TMEM94: variants seen among roughly 807,000 people sequenced by gnomAD.
The protein encoded by TMEM94 is transmembrane protein 94.
TMEM94 carries 81 observed loss-of-function variants against 158.6 expected under a neutral mutation model. That is an observed-to-expected ratio of 0.51 (90% confidence interval 0.43 to 0.61). TMEM94 has a LOEUF of 0.61. Ranked by LOEUF, TMEM94 falls within the 20% of genes least tolerant of loss-of-function variation. TMEM94 has a pLI of 0.00. For missense variants in TMEM94, 1,435 were observed against 1,762.0 expected, an observed-to-expected ratio of 0.81 and a Z score of 3.32; for synonymous variants, 751 against 730.7, an observed-to-expected ratio of 1.03 and a Z score of -0.45.
intron 2 of TMEM94, among the ~76,000 whole-genome samples, chr17:75,473,169 T>C (rs1385824417): frequency 6.6e-6 from 1 of 152,208 alleles, no homozygotes; most frequent in Non-Finnish European, 1.5e-5. Flanking sequence ...CCAGGCTGGC[T>C]GACTGCTTTC....
Position 75,486,369 on chromosome 17 carries a change from C to T in TMEM94, c.352C>T (p.Arg118Trp), listed in dbSNP as rs563451589. The T allele has an allele frequency of 2.8e-5, 46 of 1,614,206 alleles. No homozygotes were observed. The African/African-American group carries it at 3.2e-4, about 11-fold the overall frequency. The change falls in exon 5 of 32, where the codon CGG becomes TGG. Residue 118 changes from arginine (R) to tryptophan (W), a missense_variant. This residue lies in a region of TMEM94 where 1,051 missense variants were observed against 1,254.4 expected (regional missense o/e 0.84). Coordinates refer to ENST00000314256, the MANE Select transcript of TMEM94 (RefSeq NM_014738.6). ...CCTTGTGCTCATCGGGCGGCAAGAC[C>T]GGCTGAAGCGTCGGGAGGTAGAGCG... ...LNLVLIGRQD[R>W]LKRREVERRL...
chr17:75,496,144 G>C (rs886607715), intron 23 of TMEM94, 70 bp downstream of exon 23: 4 of 1,511,566 alleles, frequency 2.6e-6, no homozygotes, highest in South Asian at 1.2e-5. Flanking sequence ...ATGGGCCTGC[G>C]TGGGGCTGGG....
At position 75,489,360 on chromosome 17, in the gene TMEM94, G is replaced by A. The variant is rs546638006; in HGVS notation, c.859G>A (p.Val287Met). The A allele has an allele frequency of 3.8e-5, 61 of 1,614,014 alleles. No homozygotes were observed. Among genetic ancestry groups the A allele is most frequent in the Middle Eastern group, 3.3e-4 (2 of 6,078 alleles). Reference protein sequence around the residue: ...QSVMLHYAVPVVLAGFLITNA... With the variant: ...QSVMLHYAVPMVLAGFLITNA... ...GGTGATGCTACACTATGCTGTGCCC[G>A]TGGTCCTGGTGCGTGTGGCGGGGCT... The change falls in exon 8 of 32, where the codon GTG becomes ATG. Residue 287 changes from valine (V) to methionine (M), a missense_variant. Coordinates refer to ENST00000314256, the MANE Select transcript of TMEM94 (RefSeq NM_014738.6). This position sits in a 1 kb window ranked among gnomAD's most constrained non-coding sequence, Gnocchi z 5.0.
intron 5 of TMEM94, 143 bp downstream of exon 5, chr17:75,486,569 A>G: frequency 9.7e-7 from 1 of 1,028,432 alleles, no homozygotes. Context: ...AGTTAGAAGG[A>G]TGCCCACTCT....
chr17:75,493,981 G>T, intron 18 of TMEM94, 65 bp downstream of exon 18: 1 of 1,511,426 alleles, frequency 6.6e-7, no homozygotes, highest in African/African-American at 1.4e-5. Flanking sequence ...AAGCCCAGGA[G>T]CAGGGAGGGC....
intron 2 of TMEM94, among the ~76,000 whole-genome samples, chr17:75,478,342 A>AG (rs1201156469): frequency 6.7e-6 from 1 of 149,130 alleles, no homozygotes; most frequent in East Asian, 2.0e-4. Flanking sequence ...AAAAAAAAAA[A>AG]AAAAAAAGAA....
Position 75,496,433 on chromosome 17 carries a change from CAGG to C in TMEM94, c.3211_3213del (p.Glu1071del), listed in dbSNP as rs2052690198. 1.2e-6 allele frequency: 2 copies of C among 1,613,582 alleles called. No homozygotes were observed. Among genetic ancestry groups the C allele is most frequent in the Non-Finnish European group, 1.7e-6 (2 of 1,179,966 alleles). ...CCTGCCCTGTTCCCTGACCTTTCGC[CAGG>C]AGGAGACCATCAGCATCATCCGGCT... is the stretch of plus-strand genomic sequence containing the variant. On this transcript the variant is annotated inframe_deletion, in exon 24 of 32. Coordinates refer to ENST00000314256, the MANE Select transcript of TMEM94 (RefSeq NM_014738.6).
In TMEM94 at chr17:75,498,562, G is replaced by A. The variant is rs371191604; in HGVS notation, c.3733+24G>A. The A allele has an allele frequency of 8.1e-6, 13 of 1,612,246 alleles. No homozygotes were observed. Among genetic ancestry groups the A allele is most frequent in the East Asian group, 4.5e-5 (2 of 44,894 alleles). ...TGGTGAGAGGGCTCCCTGGGAGGGCGTGGATGATGGTGGGAGAGGAGCCCC... is the reference window on the plus strand; with the variant it reads ...TGGTGAGAGGGCTCCCTGGGAGGGCATGGATGATGGTGGGAGAGGAGCCCC... On this transcript the variant is annotated intron_variant, in intron 29 of 31. Coordinates refer to ENST00000314256, the MANE Select transcript of TMEM94 (RefSeq NM_014738.6). The surrounding 1 kb of genome is among the most constrained non-coding windows in gnomAD (Gnocchi z 6.7).
chr17:75,497,891 C>G (rs1185782634), intron 27 of TMEM94, 29 bp downstream of exon 27: 3 of 1,586,656 alleles, frequency 1.9e-6, no homozygotes, highest in Non-Finnish European at 2.6e-6. Flanking sequence ...GTGAGCCTTG[C>G]AAGTGAGCAT....
At chr17:75,461,996 G>GTTTTTTTTTT (rs1212545027) in intron 1 of TMEM94, among the ~76,000 whole-genome samples, 18 of 66,050 alleles carry the variant, frequency 2.7e-4, no homozygotes, top group African/African-American at 6.6e-4. Context: ...AGTTTTTTTT[G>GTTTTTTTTTT]TTTTGTTTTG....
Position 75,463,178 on chromosome 17 carries a change from GTATA to G in TMEM94, c.-107+6444_-107+6447del, listed in dbSNP as rs749164900. ...TATATATATGTGTGTGTGTGTGTGT[GTATA>G]TATATATATATATATACAGTTTAAA... On this transcript the variant is annotated intron_variant, in intron 1 of 31. Coordinates refer to ENST00000314256, the MANE Select transcript of TMEM94 (RefSeq NM_014738.6). Among the ~76,000 whole-genome samples, 15 of 15,062 alleles carry G rather than the reference GTATA, an allele frequency of 1.0e-3. 3 individuals carry two copies. The highest frequency in any genetic ancestry group is 1.3e-3 in the African/African-American group (8 of 6,036). 9.9% of individuals were successfully genotyped at this position (15,062 alleles called of 152,430 possible).
At position 75,489,268 on chromosome 17, in the gene TMEM94, GGT is replaced by G. The variant is rs1163245871; in HGVS notation, c.769_770del (p.Cys257ProfsTer15). 1 of 1,613,940 alleles carries G rather than the reference GGT, an allele frequency of 6.2e-7. No homozygotes were observed. The highest frequency in any genetic ancestry group is 1.3e-5 in the African/African-American group (1 of 74,936). ...CTGACAGTCACTTCTTTCTGCAGAT[GGT>G]GCCTGGACATGGCCCTGTCCCGACC... On this transcript the variant is annotated frameshift_variant, in exon 8 of 32. Coordinates refer to ENST00000314256, the MANE Select transcript of TMEM94 (RefSeq NM_014738.6). LOFTEE classifies it high-confidence loss of function. This position sits in a 1 kb window ranked among gnomAD's most constrained non-coding sequence, Gnocchi z 5.0.
chr17:75,495,220 C>A lies in TMEM94; in HGVS notation c.2729-64C>A. 1 of 1,437,848 alleles carries A rather than the reference C, an allele frequency of 7.0e-7. No individual in the cohort carries two copies. Among genetic ancestry groups the A allele is most frequent in the Non-Finnish European group, 9.5e-7 (1 of 1,052,768 alleles). 89.1% of individuals were successfully genotyped at this position (1,437,848 alleles called of 1,614,324 possible). A position where few individuals can be genotyped will look rare whatever the true frequency, so the allele number is the denominator to read the frequency against. On this transcript the variant is annotated intron_variant, in intron 20 of 31. Transcript: ENST00000314256. This position sits in a 1 kb window ranked among gnomAD's most constrained non-coding sequence, Gnocchi z 5.6. Reference sequence around the variant, plus strand: ...GTGGACACAGGCAAAAAATTCTCTGCAGGGCAAGGACAGGTTCCCAGAAGG... The same window carrying A: ...GTGGACACAGGCAAAAAATTCTCTGAAGGGCAAGGACAGGTTCCCAGAAGG...
rs780859413 is a variant in TMEM94, at chr17:75,495,183, C to T, written c.2729-101C>T. The T allele has an allele frequency of 2.8e-6, 4 of 1,405,386 alleles. No homozygotes were observed. Among genetic ancestry groups the T allele is most frequent in the Non-Finnish European group, 3.9e-6 (4 of 1,030,998 alleles). 87.1% of individuals were successfully genotyped at this position (1,405,386 alleles called of 1,614,324 possible). A position where few individuals can be genotyped will look rare whatever the true frequency, so the allele number is the denominator to read the frequency against. ...TGATGTCCCTGCGGGAAACAGTAGT[C>T]AGCAGGAAGGAGTGGACACAGGCAA... On this transcript the variant is annotated intron_variant, in intron 20 of 31. Transcript: ENST00000314256. The surrounding 1 kb of genome is among the most constrained non-coding windows in gnomAD (Gnocchi z 5.6).
chr17:75,467,634 G>A (rs1244859510), intron 1 of TMEM94, among the ~76,000 whole-genome samples: 2 of 146,706 alleles, frequency 1.4e-5, no homozygotes, highest in South Asian at 2.2e-4. Context: ...CCGGGTTCAC[G>A]CCATTCTCCT....
intron 10 of TMEM94, 131 bp downstream of exon 10, chr17:75,490,481 G>C (rs1046118478): frequency 1.4e-5 from 15 of 1,077,246 alleles, no homozygotes; most frequent in Non-Finnish European, 2.0e-5. Flanking sequence ...CAGCTCTCCA[G>C]GCCTCGGGCC....
chr17:75,498,603 C>G lies in TMEM94; in HGVS notation c.3734-26C>G, dbSNP rs377395182. 1.2e-6 allele frequency: 2 copies of G among 1,612,824 alleles called. No homozygotes were observed. Among genetic ancestry groups the G allele is most frequent in the Admixed American group, 3.3e-5 (2 of 59,878 alleles). ...GAGGAGCCCCACTGTGGAAGTCTGA[C>G]CCCCACATCGCCCCACCTTCCCCAG... On this transcript the variant is annotated intron_variant, in intron 29 of 31. Coordinates refer to ENST00000314256, the MANE Select transcript of TMEM94 (RefSeq NM_014738.6). This position sits in a 1 kb window ranked among gnomAD's most constrained non-coding sequence, Gnocchi z 6.7.
intron 1 of TMEM94, among the ~76,000 whole-genome samples, chr17:75,463,029 A>T (rs2050133988): frequency 8.8e-5 from 1 of 11,332 alleles, no homozygotes; most frequent in African/African-American, 5.3e-4. Context: ...AAAAAAAAAA[A>T]AAAAAAAAAT....
intron 10 of TMEM94, 122 bp from the exon 11 acceptor site, chr17:75,490,580 C>T: frequency 1.0e-6 from 1 of 976,248 alleles, no homozygotes; most frequent in Admixed American, 2.2e-5. Context: ...TCAGAACGGC[C>T]TGGGCCCTTT....
Sources: gnomAD v4.1 joint callset for allele counts (sites outside exome capture counted in the v4.1 genomes callset) on GRCh38, gnomAD v4.1.1 for gene constraint, gnomAD v4.1.1 regional missense constraint, Gnocchi (gnomAD v3.1) non-coding constraint, MANE v1.5 for transcripts, NCBI Gene and HGNC (gene_info 2026-07-23, HGNC 2026-07-21) for gene names.